Variants in MYH9 observed in about 807,000 individuals in gnomAD.
MYH9 encodes the protein myosin heavy chain 9, also known as myosin-9.
In MYH9, 29 loss-of-function variants were observed where a neutral mutation model predicts 241.9. The ratio of observed to expected loss-of-function variants is 0.12; its 90% CI spans 0.09 to 0.16. The LOEUF (loss-of-function observed/expected upper bound fraction) is 0.16. Among genes scored for constraint, MYH9 ranks in the 10% least tolerant of loss-of-function variants. The probability of loss-of-function intolerance (pLI) is 1.00; values close to 1 mark genes in which losing one functional copy is unlikely to be tolerated. For missense variants in MYH9, 1,803 were observed against 2,595.5 expected, an observed-to-expected ratio of 0.69 and a Z score of 6.63; for synonymous variants, 1,047 against 1,062.6, an observed-to-expected ratio of 0.99 and a Z score of 0.29.
intron 1 of MYH9, among the ~76,000 whole-genome samples, chr22:36,373,632 A>G (rs2018121220): frequency 6.6e-6 from 1 of 152,124 alleles, no homozygotes; most frequent in East Asian, 1.9e-4. Context: ...GCATGTTCCT[A>G]GGTCTACGCT....
At position 36,303,853 on chromosome 22, in the gene MYH9, G is replaced by C. The variant is rs1055753939; in HGVS notation, c.2390+142C>G. Reference sequence around the variant, plus strand: ...CTACTCCTCAAAGGTAGAAATCCAGGAACAGGGGTAGGAAGAGCCACCTGG... The same window carrying C: ...CTACTCCTCAAAGGTAGAAATCCAGCAACAGGGGTAGGAAGAGCCACCTGG... On this transcript the variant is annotated intron_variant, in intron 19 of 40. Coordinates refer to ENST00000216181, the MANE Select transcript of MYH9 (RefSeq NM_002473.6). 1.3e-5 allele frequency: 10 copies of C among 785,766 alleles called. No individual in the cohort carries two copies. In the Admixed American group the frequency reaches 1.8e-4, roughly 14 times the overall value. 48.7% of individuals were successfully genotyped at this position (785,766 alleles called of 1,614,324 possible).
intron 1 of MYH9, among the ~76,000 whole-genome samples, chr22:36,384,204 G>C (rs897713489): frequency 1.3e-5 from 2 of 151,806 alleles, no homozygotes; most frequent in African/African-American, 4.8e-5. Context: ...CTTGGGGGCA[G>C]AGGTTGCAGT....
chr22:36,374,859 C>A (rs955952094), intron 1 of MYH9, among the ~76,000 whole-genome samples: 17 of 152,198 alleles, frequency 1.1e-4, no homozygotes, highest in African/African-American at 1.4e-4. Context: ...CACCCCTGAA[C>A]AAAGCTCTGC....
At position 36,297,113 on chromosome 22, in the gene MYH9, T is replaced by C; in HGVS notation, c.3101-99A>G. 2.2e-6 allele frequency: 3 copies of C among 1,386,552 alleles called. No individual in the cohort carries two copies. In the South Asian group the frequency reaches 3.6e-5, roughly 17 times the overall value. The allele number at this position is 1,386,552 out of a possible 1,614,324, so 85.9% of individuals were successfully genotyped here. A position where few individuals can be genotyped will look rare whatever the true frequency, so the allele number is the denominator to read the frequency against. ...TACTGAGCACTCGTTATGAAACGTG[T>C]GTCAGGCTTAAAGCATCACAAACAC... is the stretch of plus-strand genomic sequence containing the variant. On this transcript the variant is annotated intron_variant, in intron 24 of 40. Coordinates refer to ENST00000216181, the MANE Select transcript of MYH9 (RefSeq NM_002473.6).
At chr22:36,348,855 C>T in intron 2 of MYH9, 49 bp downstream of exon 2, 2 of 1,295,054 alleles carry the variant, frequency 1.5e-6, no homozygotes, top group Non-Finnish European at 1.1e-6. Context: ...CCCCCCCCCA[C>T]CTCGGAGCCC....
intron 1 of MYH9, among the ~76,000 whole-genome samples, chr22:36,373,071 T>G (rs1419840048): frequency 6.6e-6 from 1 of 152,292 alleles, no homozygotes; most frequent in East Asian, 1.9e-4. Context: ...ATCTGTCTGC[T>G]CAAAAGTAGC....
intron 31 of MYH9, among the ~76,000 whole-genome samples, 176 bp from the exon 32 acceptor site, chr22:36,289,473 T>C (rs1402067017): frequency 6.6e-6 from 1 of 152,240 alleles, no homozygotes; most frequent in African/African-American, 2.4e-5. Context: ...CCGTGCATCC[T>C]CATGATGGGA....
chr22:36,299,235 C>T (rs950222331), intron 23 of MYH9, among the ~76,000 whole-genome samples, 193 bp from the exon 24 acceptor site: 10 of 152,170 alleles, frequency 6.6e-5, no homozygotes, highest in African/African-American at 2.2e-4. Context: ...CAGCGAGGTA[C>T]GCTTCCTTAG....
intron 1 of MYH9, among the ~76,000 whole-genome samples, chr22:36,387,135 G>C (rs13057119): frequency 6.6e-6 from 1 of 152,182 alleles, no homozygotes; most frequent in Non-Finnish European, 1.5e-5. Flanking sequence ...GTCCCCGCCG[G>C]GTCCCCCTTG....
chr22:36,374,844 T>C (rs1168559722), intron 1 of MYH9, among the ~76,000 whole-genome samples: 1 of 152,124 alleles, frequency 6.6e-6, no homozygotes, highest in Non-Finnish European at 1.5e-5. Context: ...TTCACCAACC[T>C]GAATCACCCC....
intron 34 of MYH9, among the ~76,000 whole-genome samples, chr22:36,287,767 T>G (rs2016612609): frequency 6.6e-6 from 1 of 152,350 alleles, no homozygotes; most frequent in East Asian, 1.9e-4. Flanking sequence ...AAAAAATTTG[T>G]TAAACTAAGG....
Position 36,330,507 on chromosome 22 carries a change from C to T in MYH9, c.491-3019G>A, listed in dbSNP as rs1283051660. On this transcript the variant is annotated intron_variant, in intron 3 of 40. Coordinates refer to ENST00000216181, the MANE Select transcript of MYH9 (RefSeq NM_002473.6). This position sits in a 1 kb window ranked among gnomAD's most constrained non-coding sequence, Gnocchi z 4.5. ...TCATCATTGTTTTGCCATCTTTCCACACAGCGGTTCTTCTGGATTTGTTCC... is the reference window on the plus strand; with the variant it reads ...TCATCATTGTTTTGCCATCTTTCCATACAGCGGTTCTTCTGGATTTGTTCC... 1.3e-5 allele frequency among the ~76,000 whole-genome samples: 2 copies of T among 152,204 alleles called. No individual in the cohort carries two copies. Among genetic ancestry groups the T allele is most frequent in the Non-Finnish European group, 2.9e-5 (2 of 68,028 alleles).
At position 36,318,454 on chromosome 22, in the gene MYH9, G is replaced by T. The variant is rs1487516383; in HGVS notation, c.1109-129C>A. On this transcript the variant is annotated intron_variant, in intron 10 of 40. Coordinates refer to ENST00000216181, the MANE Select transcript of MYH9 (RefSeq NM_002473.6). ...GGAGCAGAGAGGAAGAAAGCCACGG[G>T]GTGAATGAGCAATCATTACCAGGAC... 4 of 799,954 alleles carry T rather than the reference G, an allele frequency of 5.0e-6. No individual in the cohort carries two copies. The African/African-American group carries it at 5.0e-5, about 10-fold the overall frequency. 49.6% of individuals were successfully genotyped at this position (799,954 alleles called of 1,614,324 possible).
chr22:36,386,600 G>A (rs2018354880), intron 1 of MYH9, among the ~76,000 whole-genome samples: 1 of 152,144 alleles, frequency 6.6e-6, no homozygotes, highest in South Asian at 2.1e-4. Flanking sequence ...CCGAGAAGTG[G>A]CTGGGCCTCT....
Position 36,293,733 on chromosome 22 carries a change from T to C in MYH9, c.3942+26A>G. 1 of 1,605,662 alleles carries C rather than the reference T, an allele frequency of 6.2e-7. No homozygotes were observed. Among genetic ancestry groups the C allele is most frequent in the Non-Finnish European group, 8.5e-7 (1 of 1,173,682 alleles). On this transcript the variant is annotated intron_variant, in intron 29 of 40. Coordinates refer to ENST00000216181, the MANE Select transcript of MYH9 (RefSeq NM_002473.6). This position sits in a 1 kb window ranked among gnomAD's most constrained non-coding sequence, Gnocchi z 5.1. ...AGAGGCCTTTCTGGAGGGGTCCACC[T>C]TCTGGGAACCTGGCGCCACCCCTAC...
At chr22:36,376,224 A>C (rs975486066) in intron 1 of MYH9, among the ~76,000 whole-genome samples, 1 of 151,886 alleles carries the variant, frequency 6.6e-6, no homozygotes, top group African/African-American at 2.4e-5. Flanking sequence ...GCCTCCCAAA[A>C]TGCTGGGATT....
In MYH9 at chr22:36,301,600, C is replaced by T. The variant is rs370413515; in HGVS notation, c.2565G>A (p.Val855=). Residue 855 remains valine, a synonymous_variant, in exon 21 of 41, where the codon GTG becomes GTA. Transcript: ENST00000216181. The part of the protein sequence containing the change: ...EEMMAKEEEL[V]KVREKQLAAE... ...CAGCCAGCTGCTTCTCTCTGACCTT[C>T]ACCAGCTCCTCCTCCTTGGCCATCA... 1.4e-5 allele frequency: 22 copies of T among 1,613,926 alleles called. No homozygotes were observed. Among genetic ancestry groups the T allele is most frequent in the Non-Finnish European group, 1.8e-5 (21 of 1,180,038 alleles).
chr22:36,285,605 C>T lies in MYH9; in HGVS notation c.5274+53G>A. ...CTGCCGGCTGGGTCCAAGGCCAGCT[C>T]TGCCGTGGTGGCTCCAGCCAGAGCC... On this transcript the variant is annotated intron_variant, in intron 37 of 40. Transcript: ENST00000216181. The surrounding 1 kb of genome is among the most constrained non-coding windows in gnomAD (Gnocchi z 7.0). 1 of 1,608,984 alleles carries T rather than the reference C, an allele frequency of 6.2e-7. No homozygotes were observed. Among genetic ancestry groups the T allele is most frequent in the Non-Finnish European group, 8.5e-7 (1 of 1,179,722 alleles).
Position 36,299,057 on chromosome 22 carries a change from G to T in MYH9, c.2977-15C>A, listed in dbSNP as rs1471284209. On this transcript the variant is annotated splice_polypyrimidine_tract_variant and intron_variant, in intron 23 of 40. Transcript: ENST00000216181. The stretch of plus-strand genomic sequence containing the variant: ...AGTTTCTTTTCCTGGGGAGAGGGGA[G>T]TAGGCTGGCATTTAGTGTTGGTTGA... 2 of 1,613,810 alleles carry T rather than the reference G, an allele frequency of 1.2e-6. No homozygotes were observed. The highest frequency in any genetic ancestry group is 1.7e-6 in the Non-Finnish European group (2 of 1,179,962).
Sources: gnomAD v4.1 joint callset for allele counts (sites outside exome capture counted in the v4.1 genomes callset) on GRCh38, gnomAD v4.1.1 for gene constraint, Gnocchi (gnomAD v3.1) non-coding constraint, MANE v1.5 for transcripts, NCBI Gene and HGNC (gene_info 2026-07-23, HGNC 2026-07-21) for gene names.